DLC1: variants seen among roughly 807,000 people sequenced by gnomAD.
The protein encoded by DLC1 is DLC1 Rho GTPase activating protein, also known as rho GTPase-activating protein 7.
In DLC1, 54 loss-of-function variants were observed where a neutral mutation model predicts 140.3. The observed-to-expected ratio is 0.38, with a 90% CI of 0.31 to 0.48. The LOEUF is 0.48. Among genes scored for constraint, DLC1 ranks in the 20% least tolerant of loss-of-function variants. The pLI is 0.96. For synonymous variants in DLC1, 986 were observed against 728.1 expected (o/e 1.35, Z -5.70); for missense variants, 2,536 against 1,907.0 (o/e 1.33, Z -6.14).
At chr8:13,491,712 C>A (rs1801253659) in intron 2 of DLC1, among the ~76,000 whole-genome samples, 1 of 152,096 alleles carries the variant, frequency 6.6e-6, no homozygotes, top group Non-Finnish European at 1.5e-5. Flanking sequence ...TTACATGATT[C>A]CCTTGTCCCT....
chr8:13,473,547 C>A (rs939340724), intron 2 of DLC1, among the ~76,000 whole-genome samples: 1 of 152,070 alleles, frequency 6.6e-6, no homozygotes, highest in Admixed American at 6.5e-5. Flanking sequence ...GGGTAACGGG[C>A]AGGGGTTAGA....
intron 1 of DLC1, among the ~76,000 whole-genome samples, chr8:13,533,407 G>T (rs1803166411): frequency 6.6e-6 from 1 of 152,102 alleles, no homozygotes; most frequent in South Asian, 2.1e-4. Flanking sequence ...GTGGTTTCAG[G>T]CAAAATAACT....
chr8:13,092,764 C>A lies in DLC1; in HGVS notation c.3588G>T (p.Glu1196Asp). 14 of 1,614,162 alleles carry A rather than the reference C, an allele frequency of 8.7e-6. No homozygotes were observed. The highest frequency in any genetic ancestry group is 1.2e-5 in the Non-Finnish European group (14 of 1,180,030). Residue 1196 changes from glutamate (E) to aspartate (D), a missense_variant, in exon 13 of 18, where the codon GAG becomes GAT. Physicochemically the swap from Glu to Asp is conservative, Grantham distance 45. Coordinates refer to ENST00000276297, the MANE Select transcript of DLC1 (RefSeq NM_182643.3). The stretch of plus-strand genomic sequence containing the variant: ...GCAGGGTCTGCAGAACCTCCCGGTT[C>A]TCGTCAGGCAGCAGCATGATGGCAG... ...IKAAIMLLPD[E>D]NREVLQTLLY...
intron 2 of DLC1, among the ~76,000 whole-genome samples, chr8:13,493,360 G>C (rs1278158157): frequency 6.6e-6 from 1 of 152,002 alleles, no homozygotes; most frequent in Non-Finnish European, 1.5e-5. Context: ...TGGAGGCTTG[G>C]CTTAACTATC....
chr8:13,296,631 T>A (rs941282623), intron 5 of DLC1, among the ~76,000 whole-genome samples: 1 of 152,152 alleles, frequency 6.6e-6, no homozygotes, highest in African/African-American at 2.4e-5. Context: ...ATAAACAGAT[T>A]GATTCAAAAC....
chr8:13,525,918 T>A (rs920315441), intron 1 of DLC1, among the ~76,000 whole-genome samples: 1 of 152,192 alleles, frequency 6.6e-6, no homozygotes, highest in Non-Finnish European at 1.5e-5. Flanking sequence ...CACAAAGATT[T>A]CTCCTACACT....
At chr8:13,361,205 CT>C (rs1356132678) in intron 4 of DLC1, among the ~76,000 whole-genome samples, 1 of 152,082 alleles carries the variant, frequency 6.6e-6, no homozygotes, top group Non-Finnish European at 1.5e-5. Flanking sequence ...GCACTCCAGC[CT>C]GGGCGACGGA....
rs949642663 is a variant in DLC1 at position 13,398,534 on chromosome 8, G to T, written c.1173+2936C>A. ...AATCCCAACACATTGGGAGGCCGAG[G>T]TGTGAAGATTGCTTGAGGCCAGGAG... On this transcript the variant is annotated intron_variant, in intron 3 of 17. Transcript: ENST00000276297. Among the ~76,000 whole-genome samples the T allele has an allele frequency of 2.0e-5, 3 of 151,194 alleles. No homozygotes were observed. In the East Asian group the frequency reaches 5.9e-4, roughly 30 times the overall value.
chr8:13,582,055 A>T (rs1805119581), intron 1 of DLC1, among the ~76,000 whole-genome samples: 1 of 152,160 alleles, frequency 6.6e-6, no homozygotes, highest in East Asian at 1.9e-4. Flanking sequence ...GGGATTGGAG[A>T]AAAAACAAAG....
At chr8:13,436,313 G>A (rs2116896996) in intron 2 of DLC1, among the ~76,000 whole-genome samples, 1 of 152,290 alleles carries the variant, frequency 6.6e-6, no homozygotes, top group South Asian at 2.1e-4. Context: ...TCTACACCTT[G>A]GTTTTCCTTT....
chr8:13,543,778 G>T (rs188730474), intron 1 of DLC1, among the ~76,000 whole-genome samples: 1 of 152,074 alleles, frequency 6.6e-6, no homozygotes, highest in African/African-American at 2.4e-5. Flanking sequence ...ATCTGTAATT[G>T]GGAGCTAAGC....
chr8:13,529,660 C>G (rs1803033496), intron 1 of DLC1, among the ~76,000 whole-genome samples: 1 of 152,076 alleles, frequency 6.6e-6, no homozygotes, highest in Non-Finnish European at 1.5e-5. Context: ...TTCCTTGCAA[C>G]TGAGAGAGAG....
intron 2 of DLC1, among the ~76,000 whole-genome samples, chr8:13,493,821 T>C (rs1468908249): frequency 6.6e-6 from 1 of 152,156 alleles, no homozygotes; most frequent in Non-Finnish European, 1.5e-5. Context: ...AATGTTATCC[T>C]CCCCTTGTTA....
intron 1 of DLC1, among the ~76,000 whole-genome samples, chr8:13,537,734 A>G (rs970975153): frequency 1.6e-4 from 24 of 147,486 alleles, no homozygotes; most frequent in Admixed American, 4.1e-4. Context: ...GCTCACTGCA[A>G]GCTCCGCCTC....
chr8:13,164,797 T>A (rs1341290286), intron 5 of DLC1, among the ~76,000 whole-genome samples: 1 of 152,256 alleles, frequency 6.6e-6, no homozygotes, highest in Non-Finnish European at 1.5e-5. Context: ...GGCATTGTAC[T>A]AAAATTGTTT....
At chr8:13,161,905 C>G (rs1824734500) in intron 5 of DLC1, among the ~76,000 whole-genome samples, 1 of 152,180 alleles carries the variant, frequency 6.6e-6, no homozygotes, top group African/African-American at 2.4e-5. Context: ...ATATCTTACT[C>G]AGATATGTAC....
At chr8:13,516,016 T>G (rs1802574039), upstream of DLC1, among the ~76,000 whole-genome samples, 1 of 152,144 alleles carries the variant, frequency 6.6e-6, no homozygotes, top group Admixed American at 6.5e-5. Context: ...GAGAGGCCAG[T>G]AGAGCAGCTT....
chr8:13,129,242 A>T (rs1821877127), intron 5 of DLC1, among the ~76,000 whole-genome samples: 3 of 152,104 alleles, frequency 2.0e-5, no homozygotes. Context: ...AACAGCCTTC[A>T]CCTCCCTCTG....
At chr8:13,437,655 T>C (rs2116903361) in intron 2 of DLC1, among the ~76,000 whole-genome samples, 1 of 152,296 alleles carries the variant, frequency 6.6e-6, no homozygotes, top group South Asian at 2.1e-4. Context: ...CTGTGGAAAC[T>C]GGCTCCCAGG....
Sources: gnomAD v4.1 joint callset for allele counts (sites outside exome capture counted in the v4.1 genomes callset) on GRCh38, gnomAD v4.1.1 for gene constraint, MANE v1.5 for transcripts, NCBI Gene and HGNC (gene_info 2026-07-23, HGNC 2026-07-21) for gene names.